The following ITPR1 variants were observed in gnomAD, a reference collection of about 807,000 sequenced individuals.
The protein encoded by ITPR1 is inositol 1,4,5-trisphosphate receptor type 1.
ITPR1 carries 96 observed loss-of-function variants against 318.4 expected under a neutral mutation model. That is an observed-to-expected ratio of 0.30 (90% CI 0.26 to 0.36). ITPR1 has a LOEUF of 0.36. ITPR1 is among the 10% of genes least tolerant of loss of function. The probability of loss-of-function intolerance (pLI) is 1.00; values close to 1 mark genes in which losing one functional copy is unlikely to be tolerated. For synonymous variants in ITPR1, 1,312 were observed against 1,289.9 expected (o/e 1.02, Z -0.37); for missense variants, 2,440 against 3,460.2 (o/e 0.71, Z 7.40).
chr3:4,586,231 T>TG (rs781045153), intron 4 of ITPR1, among the ~76,000 whole-genome samples: 1 of 152,210 alleles, frequency 6.6e-6, no homozygotes, highest in Admixed American at 6.5e-5. Flanking sequence ...TAAACATACA[T>TG]GGTAACATGC....
intron 3 of ITPR1, among the ~76,000 whole-genome samples, chr3:4,517,677 A>C (rs1239628048): frequency 1.3e-5 from 2 of 152,220 alleles, no homozygotes; most frequent in Non-Finnish European, 2.9e-5. Context: ...CACCAGATCC[A>C]GTGACTTTCT....
intron 38 of ITPR1, among the ~76,000 whole-genome samples, chr3:4,711,234 A>AAG (rs1352918873): frequency 2.0e-5 from 3 of 150,080 alleles, no homozygotes; most frequent in African/African-American, 7.5e-5. Context: ...AAAAAAAAAA[A>AAG]AGAGATTTTT....
At chr3:4,683,065 C>T (rs1340843332) in intron 26 of ITPR1, among the ~76,000 whole-genome samples, 1 of 152,168 alleles carries the variant, frequency 6.6e-6, no homozygotes, top group South Asian at 2.1e-4. Context: ...AGAAACACAT[C>T]CTCTTGCAGT....
Position 4,676,829 on chromosome 3 carries a change from G to T in ITPR1, c.2967+28G>T, listed in dbSNP as rs771991208. On this transcript the variant is annotated intron_variant, in intron 24 of 61. Transcript: ENST00000649015. ...ATCCACTAGCTGGAGCTGGGGTAGG[G>T]AGGGTATGTCACAGAGGCGCCATTC... The T allele has an allele frequency of 3.2e-6, 5 of 1,575,764 alleles. No homozygotes were observed. In the Admixed American group the frequency reaches 8.6e-5, roughly 27 times the overall value.
chr3:4,724,889 C>T (rs914557272), intron 40 of ITPR1, among the ~76,000 whole-genome samples: 1 of 152,102 alleles, frequency 6.6e-6, no homozygotes, highest in Admixed American at 6.5e-5. Flanking sequence ...AAACCCAGAC[C>T]ATGAAGCCCT....
intron 41 of ITPR1, 141 bp from the exon 42 acceptor site, chr3:4,726,985 A>T (rs1460262963): frequency 3.4e-5 from 23 of 678,530 alleles, no homozygotes; most frequent in Non-Finnish European, 2.5e-6. Context: ...ACGGGGGAAA[A>T]ACAAAAATCC....
intron 56 of ITPR1, 99 bp from the exon 57 acceptor site, chr3:4,813,043 A>G: frequency 1.2e-6 from 1 of 842,162 alleles, no homozygotes; most frequent in Non-Finnish European, 2.1e-6. Context: ...GGTGTTATTT[A>G]TGTAAAGAAT....
At chr3:4,594,029 G>A (rs547707865) in intron 4 of ITPR1, among the ~76,000 whole-genome samples, 3 of 152,284 alleles carry the variant, frequency 2.0e-5, no homozygotes, top group Non-Finnish European at 2.9e-5. Flanking sequence ...TGGGAAATGC[G>A]GGGCTTGAAC....
intron 5 of ITPR1, among the ~76,000 whole-genome samples, chr3:4,632,929 C>CTTTTTTTTTTTTTTT (rs1156474451): frequency 6.1e-5 from 4 of 66,030 alleles, no homozygotes; most frequent in African/African-American, 2.8e-4. Context: ...ACTTTCAGGT[C>CTTTTTTTTTTTTTTT]TTTTTTTTTT....
intron 4 of ITPR1, among the ~76,000 whole-genome samples, chr3:4,576,953 A>G (rs558605982): frequency 6.6e-6 from 1 of 152,218 alleles, no homozygotes; most frequent in Non-Finnish European, 1.5e-5. Context: ...CACCTCCTCT[A>G]AACACCCAGT....
intron 40 of ITPR1, among the ~76,000 whole-genome samples, chr3:4,721,612 C>G (rs1280972842): frequency 1.3e-5 from 2 of 152,074 alleles, no homozygotes; most frequent in East Asian, 3.9e-4. Flanking sequence ...AAGACTGATT[C>G]GAGCGGCTGG....
At chr3:4,739,051 C>T (rs1160636331) in intron 44 of ITPR1, among the ~76,000 whole-genome samples, 2 of 152,222 alleles carry the variant, frequency 1.3e-5, no homozygotes, top group Admixed American at 1.3e-4. Flanking sequence ...CCCTTGGCCC[C>T]AAGCTTCTCT....
chr3:4,563,647 A>C (rs1051651598), intron 4 of ITPR1, among the ~76,000 whole-genome samples: 5 of 152,196 alleles, frequency 3.3e-5, no homozygotes, highest in African/African-American at 1.2e-4. Flanking sequence ...TGTTTCTGGT[A>C]CCCTGAGTTG....
intron 44 of ITPR1, chr3:4,750,422 G>A (rs548405561): frequency 6.6e-6 from 1 of 152,284 alleles, no homozygotes; most frequent in African/African-American, 2.4e-5. Flanking sequence ...ACAAGGTCAT[G>A]CTGCATTTTT....
intron 44 of ITPR1, among the ~76,000 whole-genome samples, chr3:4,757,633 C>G (rs1019764502): frequency 6.6e-6 from 1 of 152,072 alleles, no homozygotes; most frequent in East Asian, 1.9e-4. Flanking sequence ...GATGACTCAG[C>G]GGGTTACTTC....
intron 24 of ITPR1, 76 bp downstream of exon 24, chr3:4,676,877 T>C (rs772154774): frequency 8.5e-6 from 10 of 1,172,618 alleles, no homozygotes; most frequent in Non-Finnish European, 1.2e-5. Flanking sequence ...TCTGTTCTGA[T>C]GGAGCCCAAG....
At chr3:4,838,191 T>C (rs1336305733) in intron 61 of ITPR1, among the ~76,000 whole-genome samples, 1 of 152,120 alleles carries the variant, frequency 6.6e-6, no homozygotes, top group African/African-American at 2.4e-5. Flanking sequence ...AAGGTGCAAA[T>C]AAAAAAGACT....
At chr3:4,534,827 C>A (rs1264323714) in intron 4 of ITPR1, among the ~76,000 whole-genome samples, 1 of 152,168 alleles carries the variant, frequency 6.6e-6, no homozygotes, top group East Asian at 1.9e-4. Flanking sequence ...CCCCCTATAA[C>A]CATTCCCAGA....
At chr3:4,777,651 G>A (rs565900802) in intron 48 of ITPR1, among the ~76,000 whole-genome samples, 3 of 152,100 alleles carry the variant, frequency 2.0e-5, no homozygotes, top group East Asian at 1.9e-4. Flanking sequence ...CAACAGCATC[G>A]AGTACTAAAT....
Sources: gnomAD v4.1 joint callset for allele counts (sites outside exome capture counted in the v4.1 genomes callset) on GRCh38, gnomAD v4.1.1 for gene constraint, MANE v1.5 for transcripts, NCBI Gene and HGNC (gene_info 2026-07-23, HGNC 2026-07-21) for gene names.